CACNA2D1: variants seen among roughly 807,000 people sequenced by gnomAD.
CACNA2D1 encodes calcium voltage-gated channel auxiliary subunit alpha2delta 1.
Under a neutral mutation model 171.5 loss-of-function variants are expected in CACNA2D1, and 53 were observed. The observed-to-expected ratio is 0.31, with a 90% CI of 0.25 to 0.39. The LOEUF is 0.39. Among genes scored for constraint, CACNA2D1 ranks in the 10% least tolerant of loss-of-function variants. CACNA2D1 has a pLI of 1.00. For synonymous variants in CACNA2D1, 442 were observed against 443.1 expected, an observed-to-expected ratio of 1.00 and a Z score of 0.03; for missense variants, 903 against 1,299.8, an observed-to-expected ratio of 0.69 and a Z score of 4.69.
intron 38 of CACNA2D1, among the ~76,000 whole-genome samples, chr7:81,951,737 G>C (rs192137851): frequency 4.6e-5 from 7 of 151,812 alleles, no homozygotes; most frequent in Non-Finnish European, 8.8e-5. Context: ...TTAATCATTG[G>C]TTGATGGACA....
At chr7:82,140,656 T>TA (rs1047928038) in intron 4 of CACNA2D1, among the ~76,000 whole-genome samples, 17 of 151,674 alleles carry the variant, frequency 1.1e-4, no homozygotes, top group East Asian at 3.9e-4. Context: ...TATTTTCTTA[T>TA]AAAAAAAAAT....
rs139803839 is a variant in CACNA2D1 at position 82,102,227 on chromosome 7, T to C, written c.526+14817A>G. On this transcript the variant is annotated intron_variant, in intron 6 of 38. Transcript: ENST00000356860. ...ATCTGATTGAGAAAGGTTTTAAGACTTGAAAAAAATAAGCTTTAAAATTTA... is the reference window on the plus strand; with the variant it reads ...ATCTGATTGAGAAAGGTTTTAAGACCTGAAAAAAATAAGCTTTAAAATTTA... 3.8e-3 allele frequency among the ~76,000 whole-genome samples: 582 copies of C among 152,194 alleles called. 2 individuals carry two copies. The highest frequency in any genetic ancestry group is 0.013 in the African/African-American group (538 of 41,538).
At chr7:82,035,843 A>C (rs1049230028) in intron 11 of CACNA2D1, among the ~76,000 whole-genome samples, 1 of 152,216 alleles carries the variant, frequency 6.6e-6, no homozygotes, top group East Asian at 1.9e-4. Context: ...ATCTTAATCT[A>C]ACGGTTAATT....
intron 3 of CACNA2D1, among the ~76,000 whole-genome samples, chr7:82,225,465 T>G (rs780381550): frequency 7.2e-5 from 11 of 152,178 alleles, no homozygotes; most frequent in Admixed American, 3.9e-4. Flanking sequence ...AGAAAAAATA[T>G]GCAAAATTTT....
At chr7:82,212,290 A>G (rs1485981133) in intron 3 of CACNA2D1, among the ~76,000 whole-genome samples, 1 of 152,220 alleles carries the variant, frequency 6.6e-6, no homozygotes, top group Non-Finnish European at 1.5e-5. Flanking sequence ...CAGACATAAA[A>G]TGAATCATTT....
intron 1 of CACNA2D1, among the ~76,000 whole-genome samples, chr7:82,395,938 T>C (rs541748817): frequency 2.6e-5 from 4 of 152,308 alleles, no homozygotes; most frequent in Middle Eastern, 3.4e-3. Context: ...TTAAGGGAGA[T>C]GATATATGTG....
chr7:82,358,953 T>C (rs1451719466), intron 1 of CACNA2D1, among the ~76,000 whole-genome samples: 1 of 152,184 alleles, frequency 6.6e-6, no homozygotes, highest in African/African-American at 2.4e-5. Context: ...ATAAAAATTA[T>C]ACTTTGGGGT....
chr7:82,112,527 G>T (rs1456500211), intron 6 of CACNA2D1, among the ~76,000 whole-genome samples: 1 of 152,116 alleles, frequency 6.6e-6, no homozygotes, highest in African/African-American at 2.4e-5. Context: ...TTTTGCCCAA[G>T]AACACCAAAC....
At chr7:82,276,967 C>T (rs1385994476) in intron 3 of CACNA2D1, among the ~76,000 whole-genome samples, 1 of 151,874 alleles carries the variant, frequency 6.6e-6, no homozygotes, top group Non-Finnish European at 1.5e-5. Flanking sequence ...AGGATGGTCT[C>T]GATCTCTTGA....
intron 1 of CACNA2D1, among the ~76,000 whole-genome samples, chr7:82,378,518 T>TTTG (rs1252493329): frequency 6.6e-6 from 1 of 152,204 alleles, no homozygotes; most frequent in Non-Finnish European, 1.5e-5. Context: ...AAAATTATAT[T>TTTG]TTGTTATTGT....
intron 9 of CACNA2D1, among the ~76,000 whole-genome samples, 187 bp from the exon 10 acceptor site, chr7:82,060,714 CCTTT>C (rs1285195330): frequency 1.3e-5 from 2 of 151,896 alleles, no homozygotes; most frequent in African/African-American, 4.8e-5. Context: ...AGAAATCCTG[CCTTT>C]TTTTCCTCCC....
chr7:82,194,956 C>T (rs1349783718), intron 3 of CACNA2D1, among the ~76,000 whole-genome samples: 4 of 151,922 alleles, frequency 2.6e-5, no homozygotes, highest in African/African-American at 7.2e-5. Flanking sequence ...TGAAGATAAT[C>T]GTAATAGGCA....
chr7:82,127,477 G>T (rs1294090208), intron 5 of CACNA2D1, among the ~76,000 whole-genome samples: 1 of 152,142 alleles, frequency 6.6e-6, no homozygotes, highest in East Asian at 1.9e-4. Context: ...CATTATTTCA[G>T]CAATTACTGT....
chr7:81,950,319 A>G lies in CACNA2D1; in HGVS notation c.*73T>C. Reference sequence around the variant, plus strand: ...CTGATTTTATAGCTGACCCTACGTTACTGTAATTGAGGGCAGGGCTCATGT... The same window carrying G: ...CTGATTTTATAGCTGACCCTACGTTGCTGTAATTGAGGGCAGGGCTCATGT... On this transcript the variant is annotated 3_prime_UTR_variant, in exon 39 of 39. Coordinates refer to ENST00000356860, the MANE Select transcript of CACNA2D1 (RefSeq NM_000722.4). The G allele has an allele frequency of 1.2e-6, 2 of 1,612,158 alleles. No homozygotes were observed. Among genetic ancestry groups the G allele is most frequent in the Admixed American group, 3.3e-5 (2 of 59,802 alleles).
chr7:82,389,950 A>G (rs1410875221), intron 1 of CACNA2D1, among the ~76,000 whole-genome samples: 2 of 152,166 alleles, frequency 1.3e-5, no homozygotes, highest in African/African-American at 4.8e-5. Flanking sequence ...TTGTTACTTG[A>G]GTTTTTAAAA....
intron 6 of CACNA2D1, among the ~76,000 whole-genome samples, chr7:82,111,464 T>TGAGACAGGGTCTCAC (rs1788454733): frequency 1.6e-5 from 2 of 124,916 alleles, no homozygotes; most frequent in Non-Finnish European, 3.3e-5. Context: ...TTTTTTTTTT[T>TGAGACAGGGTCTCAC]TGAGACAGGG....
Position 82,286,305 on chromosome 7 carries a change from G to T in CACNA2D1, c.294+48830C>A, listed in dbSNP as rs116867113. ...CTTATCACTGTCCCTGTTGGTGCTT[G>T]TCCTCTGCTCTCTTACCCTCATACT... On this transcript the variant is annotated intron_variant, in intron 3 of 38. Coordinates refer to ENST00000356860, the MANE Select transcript of CACNA2D1 (RefSeq NM_000722.4). Among the ~76,000 whole-genome samples, 778 of 152,084 alleles carry T rather than the reference G, an allele frequency of 5.1e-3. 17 individuals carry two copies. The East Asian group carries it at 0.08, about 16-fold the overall frequency.
At chr7:82,129,920 C>T (rs1369462195) in intron 5 of CACNA2D1, among the ~76,000 whole-genome samples, 3 of 152,052 alleles carry the variant, frequency 2.0e-5, no homozygotes, top group Admixed American at 6.6e-5. Context: ...ATAGGGCAAG[C>T]GTTTTCTTCA....
chr7:82,392,552 C>T (rs1207391147), intron 1 of CACNA2D1, among the ~76,000 whole-genome samples: 1 of 152,016 alleles, frequency 6.6e-6, no homozygotes, highest in Non-Finnish European at 1.5e-5. Flanking sequence ...CCAGGCAAGG[C>T]CCAGTGGGCT....
Sources: gnomAD v4.1 joint callset for allele counts (sites outside exome capture counted in the v4.1 genomes callset) on GRCh38, gnomAD v4.1.1 for gene constraint, MANE v1.5 for transcripts, NCBI Gene and HGNC (gene_info 2026-07-23, HGNC 2026-07-21) for gene names.